The following IL2 variants were observed in gnomAD, a reference collection of about 807,000 sequenced individuals.
The protein encoded by IL2 is interleukin-2.
IL2 carries 3 observed loss-of-function variants against 14.6 expected under a neutral mutation model. The ratio of observed to expected loss-of-function variants is 0.21; its 90% CI spans 0.09 to 0.53. The LOEUF is 0.53. Ranked by LOEUF, IL2 falls within the 20% of genes least tolerant of loss-of-function variation. The pLI, the probability that IL2 is intolerant of heterozygous loss-of-function variation, is 0.95. For missense variants in IL2, 125 were observed against 170.8 expected, an observed-to-expected ratio of 0.73 and a Z score of 1.50; for synonymous variants, 71 against 60.0, an observed-to-expected ratio of 1.18 and a Z score of -0.85.
intron 2 of IL2, among the ~76,000 whole-genome samples, chr4:122,454,069 G>A (rs928288090): frequency 2.4e-4 from 37 of 151,816 alleles, no homozygotes; most frequent in Non-Finnish European, 8.8e-5. Context: ...TTGACTCACT[G>A]GTTTTAGCTT....
chr4:122,455,723 T>A (rs1285109628), intron 2 of IL2, among the ~76,000 whole-genome samples: 2 of 151,918 alleles, frequency 1.3e-5, no homozygotes, highest in Non-Finnish European at 2.9e-5. Context: ...TCTGTGCTAT[T>A]AGTGTTATGC....
intron 2 of IL2, 54 bp from the exon 3 acceptor site, chr4:122,453,907 T>G: frequency 6.8e-7 from 1 of 1,464,748 alleles, no homozygotes; most frequent in Admixed American, 2.1e-5. Context: ...AATCAGAAAT[T>G]AATTTCCAAT....
intron 3 of IL2, among the ~76,000 whole-genome samples, chr4:122,452,358 A>G (rs997939025): frequency 1.3e-5 from 2 of 152,122 alleles, no homozygotes. Context: ...ACTACACTAG[A>G]GTAAGCTAGG....
chr4:122,454,258 A>G (rs546055037), intron 2 of IL2, among the ~76,000 whole-genome samples: 1 of 152,006 alleles, frequency 6.6e-6, no homozygotes, highest in South Asian at 2.1e-4. Context: ...GAATCACAGA[A>G]TGTTGAGAGA....
intron 2 of IL2, among the ~76,000 whole-genome samples, chr4:122,454,644 C>T (rs1259874598): frequency 6.6e-6 from 1 of 151,770 alleles, no homozygotes; most frequent in Non-Finnish European, 1.5e-5. Context: ...CACACTAAAT[C>T]TCAGAATTTG....
At position 122,453,719 on chromosome 4, in the gene IL2, C is replaced by T. The variant is rs753489414; in HGVS notation, c.342G>A (p.Leu114=). The T allele has an allele frequency of 3.0e-5, 48 of 1,604,738 alleles. No homozygotes were observed. The highest frequency in any genetic ancestry group is 3.8e-5 in the Non-Finnish European group (45 of 1,175,904). Residue 114 remains leucine, a synonymous_variant, in exon 3 of 4, where the codon CTG becomes CTA. Transcript: ENST00000226730. ...TAAAGTAATGCCTTACCTTTAGTTC[C>T]AGAACTATTACGTTGATATTGCTGA... The part of the protein sequence containing the change: ...DLISNINVIV[L]ELKGSETTFM...
intron 3 of IL2, among the ~76,000 whole-genome samples, 164 bp from the exon 4 acceptor site, chr4:122,452,026 C>CA (rs1473214096): frequency 1.3e-5 from 2 of 152,018 alleles, no homozygotes; most frequent in African/African-American, 4.8e-5. Flanking sequence ...GCCAAAATTA[C>CA]ATATTTTGTT....
intron 3 of IL2, 72 bp from the exon 4 acceptor site, chr4:122,451,934 G>A: frequency 1.7e-6 from 1 of 572,728 alleles, no homozygotes; most frequent in Admixed American, 3.2e-5. Context: ...CCCAATTGAA[G>A]TCTTATAGGC....
intron 3 of IL2, among the ~76,000 whole-genome samples, chr4:122,453,387 A>G (rs976054470): frequency 6.6e-6 from 1 of 151,786 alleles, no homozygotes; most frequent in African/African-American, 2.4e-5. Context: ...TGAAAAATAT[A>G]TAGTAAAATC....
chr4:122,454,227 A>G (rs1242116468), intron 2 of IL2, among the ~76,000 whole-genome samples: 2 of 151,908 alleles, frequency 1.3e-5, no homozygotes, highest in African/African-American at 4.8e-5. Context: ...TGATTATAAT[A>G]TTTGATAGTC....
At position 122,451,800 on chromosome 4, in the gene IL2, C is replaced by G. The variant is rs1218078085; in HGVS notation, c.414G>C (p.Leu138=). ...ADETATIVEF[L]NRWITFCQSI... ...TTTGACAAAAGGTAATCCATCTGTT[C>G]AGAAATTCTACAATGGTTGCTGTCT... The change falls in exon 4 of 4, where the codon CTG becomes CTC. Residue 138 remains leucine, a synonymous_variant. Transcript: ENST00000226730. 5 of 1,595,140 alleles carry G rather than the reference C, an allele frequency of 3.1e-6. No homozygotes were observed. Among genetic ancestry groups the G allele is most frequent in the Non-Finnish European group, 4.3e-6 (5 of 1,169,382 alleles).
In IL2 at chr4:122,451,612, A is replaced by G; in HGVS notation, c.*140T>C. ...CCTAGGGCTTACAAAAAGAATCATA[A>G]AAGATCCATATTTATAGTTTTAAGA... On this transcript the variant is annotated 3_prime_UTR_variant, in exon 4 of 4. Coordinates refer to ENST00000226730, the MANE Select transcript of IL2 (RefSeq NM_000586.4). 2.6e-6 allele frequency: 1 copy of G among 386,632 alleles called. No homozygotes were observed. The highest frequency in any genetic ancestry group is 4.7e-6 in the Non-Finnish European group (1 of 213,580). 24.0% of individuals were successfully genotyped at this position (386,632 alleles called of 1,614,324 possible).
chr4:122,452,228 G>A (rs191835814), intron 3 of IL2, among the ~76,000 whole-genome samples: 307 of 152,136 alleles, frequency 2.0e-3, no homozygotes, highest in Non-Finnish European at 3.4e-3. Flanking sequence ...CTATATTTGT[G>A]TAAGTTAAAT....
chr4:122,456,239 T>C, intron 1 of IL2, 36 bp from the exon 2 acceptor site: 1 of 1,596,304 alleles, frequency 6.3e-7, no homozygotes, highest in Non-Finnish European at 8.6e-7. Context: ...TAAGAAATGA[T>C]CTCCAGCTAG....
Position 122,456,202 on chromosome 4 carries a change from T to A in IL2, c.149A>T (p.Asn50Ile). 2 of 1,609,180 alleles carry A rather than the reference T, an allele frequency of 1.2e-6. No homozygotes were observed. The highest frequency in any genetic ancestry group is 1.7e-6 in the Non-Finnish European group (2 of 1,176,132). Reference protein sequence around the residue: ...DLQMILNGINNYKNPKLTRML... With the variant: ...DLQMILNGINIYKNPKLTRML... ...CCTGGTGAGTTTGGGATTCTTGTAA[T>A]TCTAAGAAAGTATAATGCATTGTTA... is the stretch of plus-strand genomic sequence containing the variant. Residue 50 changes from asparagine to isoleucine, a missense_variant and splice_region_variant, in exon 2 of 4, where the codon AAT (asparagine) becomes ATT (isoleucine). Asn to Ile is a moderately radical substitution (Grantham distance 149). Transcript: ENST00000226730.
intron 3 of IL2, among the ~76,000 whole-genome samples, chr4:122,453,098 G>C (rs1234817862): frequency 6.6e-6 from 1 of 151,842 alleles, no homozygotes; most frequent in Non-Finnish European, 1.5e-5. Context: ...TAGGAGACGG[G>C]ATATAAAAAG....
At position 122,451,677 on chromosome 4, in the gene IL2, C is replaced by G; in HGVS notation, c.*75G>C. ...TACAATAGGTAGCAAACCATACATTCAACAATAAATATAAAATTTAAATAT... is the reference window on the plus strand; with the variant it reads ...TACAATAGGTAGCAAACCATACATTGAACAATAAATATAAAATTTAAATAT... On this transcript the variant is annotated 3_prime_UTR_variant, in exon 4 of 4. Coordinates refer to ENST00000226730, the MANE Select transcript of IL2 (RefSeq NM_000586.4). 2.1e-6 allele frequency: 1 copy of G among 487,124 alleles called. No individual in the cohort carries two copies. The highest frequency in any genetic ancestry group is 3.5e-6 in the Non-Finnish European group (1 of 287,750). The allele number at this position is 487,124 out of a possible 1,614,324, so 30.2% of individuals were successfully genotyped here. A position where few individuals can be genotyped will look rare whatever the true frequency, so the allele number is the denominator to read the frequency against.
In IL2 at chr4:122,452,145, T is replaced by C. The variant is rs1797683260; in HGVS notation, c.352-283A>G. 2.6e-5 allele frequency among the ~76,000 whole-genome samples: 4 copies of C among 152,232 alleles called. No individual in the cohort carries two copies. In the South Asian group the frequency reaches 8.3e-4, roughly 32 times the overall value. On this transcript the variant is annotated intron_variant, in intron 3 of 3. Coordinates refer to ENST00000226730, the MANE Select transcript of IL2 (RefSeq NM_000586.4). ...AATTGGGTGCAAATAAAGATTTAAA[T>C]AAAAATAGATCTAGACAAATATTAA...
chr4:122,453,256 G>GTT (rs869160364), intron 3 of IL2, among the ~76,000 whole-genome samples: 2 of 146,060 alleles, frequency 1.4e-5, no homozygotes, highest in Non-Finnish European at 3.0e-5. Flanking sequence ...AATGGCTCCA[G>GTT]TTTTTTTTTT....
Sources: allele counts gnomAD v4.1 joint callset (sites outside exome capture counted in the v4.1 genomes callset), GRCh38; gene constraint gnomAD v4.1.1; transcripts MANE v1.5; gene names NCBI Gene and HGNC (gene_info 2026-07-23, HGNC 2026-07-21).